Variants in NT5DC1 observed in about 807,000 individuals in gnomAD.
NT5DC1 encodes 5'-nucleotidase domain-containing protein 1.
Under a neutral mutation model 59.4 loss-of-function variants are expected in NT5DC1, and 42 were observed. The observed-to-expected ratio is 0.71, with a 90% CI of 0.55 to 0.92. The LOEUF (loss-of-function observed/expected upper bound fraction) is 0.92. Ranked by LOEUF, NT5DC1 falls within the 40% of genes least tolerant of loss-of-function variation. The pLI, the probability that NT5DC1 is intolerant of heterozygous loss-of-function variation, is 0.00. For missense variants in NT5DC1, 501 were observed against 537.1 expected, an observed-to-expected ratio of 0.93 and a Z score of 0.66; for synonymous variants, 172 against 188.1, an observed-to-expected ratio of 0.91 and a Z score of 0.70.
intron 6 of NT5DC1, among the ~76,000 whole-genome samples, chr6:116,141,194 T>A (rs1216542829): frequency 2.6e-5 from 4 of 152,150 alleles, no homozygotes; most frequent in African/African-American, 9.7e-5. Context: ...TATTTTTATA[T>A]GTTGATTGGC....
chr6:116,248,729 A>T lies in NT5DC1; in HGVS notation c.*4705A>T, dbSNP rs1202929571. ...TTCTTAGGTGACCAGAGGATGGGAGAACTTCTTAACTGGTTTGGAGGTCCA... is the reference window on the plus strand; with the variant it reads ...TTCTTAGGTGACCAGAGGATGGGAGTACTTCTTAACTGGTTTGGAGGTCCA... On this transcript the variant is annotated 3_prime_UTR_variant, in exon 12 of 12. Coordinates refer to ENST00000319550, the MANE Select transcript of NT5DC1 (RefSeq NM_152729.3). 2 of 152,250 alleles carry T rather than the reference A, an allele frequency of 1.3e-5. No individual in the cohort carries two copies. Among genetic ancestry groups the T allele is most frequent in the Non-Finnish European group, 2.9e-5 (2 of 68,080 alleles). The allele number at this position is 152,250 out of a possible 1,614,324, so 9.4% of individuals were successfully genotyped here.
chr6:116,182,992 A>G (rs1780921190), intron 6 of NT5DC1, among the ~76,000 whole-genome samples: 1 of 152,032 alleles, frequency 6.6e-6, no homozygotes, highest in African/African-American at 2.4e-5. Flanking sequence ...CTTTTCTAGA[A>G]TTGTTATGGT....
chr6:116,235,035 GTTTTT>G (rs60150533), intron 8 of NT5DC1, among the ~76,000 whole-genome samples: 1 of 131,826 alleles, frequency 7.6e-6, no homozygotes. Context: ...CTTGATTTGG[GTTTTT>G]TTTTTTTTTT....
chr6:116,118,363 G>A (rs1056943782), intron 6 of NT5DC1, among the ~76,000 whole-genome samples: 2 of 152,222 alleles, frequency 1.3e-5, no homozygotes, highest in Non-Finnish European at 1.5e-5. Flanking sequence ...CTGACCCAGA[G>A]TGAGGGCAGA....
rs62414122 is a variant in NT5DC1, at chr6:116,115,781, A to T, written c.444+11A>T. ...GACTATTTAACAAAAGTAAGTGGGGACTCATTTTTTAAAACTATGATATGT... is the reference window on the plus strand; with the variant it reads ...GACTATTTAACAAAAGTAAGTGGGGTCTCATTTTTTAAAACTATGATATGT... On this transcript the variant is annotated intron_variant, in intron 5 of 11. Coordinates refer to ENST00000319550, the MANE Select transcript of NT5DC1 (RefSeq NM_152729.3). 109,153 of 1,424,752 alleles carry T rather than the reference A, an allele frequency of 0.077. 5,455 individuals are homozygous for T. Among genetic ancestry groups the T allele is most frequent in the Admixed American group, 0.22 (13,149 of 59,338 alleles). The allele number at this position is 1,424,752 out of a possible 1,614,324, so 88.3% of individuals were successfully genotyped here. A position where few individuals can be genotyped will look rare whatever the true frequency, so the allele number is the denominator to read the frequency against.
At chr6:116,167,379 AT>A (rs1780494391) in intron 6 of NT5DC1, among the ~76,000 whole-genome samples, 1 of 151,744 alleles carries the variant, frequency 6.6e-6, no homozygotes, top group South Asian at 2.1e-4. Flanking sequence ...CTGCCGGCTA[AT>A]TTTTTGTATT....
chr6:116,198,772 C>A (rs1198783200), intron 6 of NT5DC1, among the ~76,000 whole-genome samples: 2 of 151,866 alleles, frequency 1.3e-5, no homozygotes, highest in Non-Finnish European at 2.9e-5. Flanking sequence ...AGTCTCTTAT[C>A]TGATTTGAGA....
chr6:116,231,106 C>CAAAAAA (rs34948626), intron 8 of NT5DC1, among the ~76,000 whole-genome samples: 2 of 69,982 alleles, frequency 2.9e-5, no homozygotes, highest in Non-Finnish European at 2.5e-5. Flanking sequence ...AACTCCGTCT[C>CAAAAAA]AAAAAAAAAA....
At chr6:116,181,719 CA>C (rs368247126) in intron 6 of NT5DC1, among the ~76,000 whole-genome samples, 12 of 149,398 alleles carry the variant, frequency 8.0e-5, no homozygotes, top group Non-Finnish European at 1.0e-4. Context: ...GCTTTCTGTG[CA>C]AAAAAAAAGT....
At chr6:116,138,364 A>G (rs931543276) in intron 6 of NT5DC1, among the ~76,000 whole-genome samples, 5 of 152,354 alleles carry the variant, frequency 3.3e-5, no homozygotes, top group Non-Finnish European at 5.9e-5. Flanking sequence ...CTACTTAACT[A>G]GGAACTACTG....
chr6:116,229,294 C>T (rs1199836213), intron 8 of NT5DC1, among the ~76,000 whole-genome samples: 1 of 152,114 alleles, frequency 6.6e-6, no homozygotes, highest in African/African-American at 2.4e-5. Flanking sequence ...CACCACTGCC[C>T]GCATCATCCC....
chr6:116,167,093 G>T lies in NT5DC1; in HGVS notation c.529+49148G>T, dbSNP rs56203042. On this transcript the variant is annotated intron_variant, in intron 6 of 11. Coordinates refer to ENST00000319550, the MANE Select transcript of NT5DC1 (RefSeq NM_152729.3). The stretch of plus-strand genomic sequence containing the variant: ...AAACTATTCAGAGCATGTGATATCC[G>T]TAGAATTATCTTTTATCACTGATGA... 5.7e-3 allele frequency among the ~76,000 whole-genome samples: 867 copies of T among 151,744 alleles called. 17 individuals carry two copies. The highest frequency in any genetic ancestry group is 0.046 in the South Asian group (223 of 4,796).
chr6:116,226,900 G>GAT (rs922662747), intron 8 of NT5DC1, among the ~76,000 whole-genome samples: 7 of 151,562 alleles, frequency 4.6e-5, no homozygotes, highest in Admixed American at 1.3e-4. Flanking sequence ...ATGGTATTTT[G>GAT]ATATATATAT....
chr6:116,192,553 A>G (rs1202933796), intron 6 of NT5DC1, among the ~76,000 whole-genome samples: 1 of 152,038 alleles, frequency 6.6e-6, no homozygotes, highest in Non-Finnish European at 1.5e-5. Context: ...AAAAAGCAAA[A>G]CTTCCTAAAC....
chr6:116,159,439 C>G (rs1780279680), intron 6 of NT5DC1, among the ~76,000 whole-genome samples: 4 of 151,986 alleles, frequency 2.6e-5, no homozygotes, highest in Admixed American at 2.6e-4. Context: ...TCTTTATTGC[C>G]TCTGAGTTAA....
intron 4 of NT5DC1, among the ~76,000 whole-genome samples, chr6:116,115,480 A>G (rs946580945): frequency 4.6e-5 from 7 of 152,210 alleles, no homozygotes. Flanking sequence ...CTTAACTTCT[A>G]GATATCATCT....
intron 6 of NT5DC1, among the ~76,000 whole-genome samples, chr6:116,207,046 TAAC>T (rs888317072): frequency 5.9e-5 from 9 of 152,018 alleles, no homozygotes; most frequent in Admixed American, 3.3e-4. Flanking sequence ...TATGCTTTCT[TAAC>T]AAACTTTTTC....
intron 6 of NT5DC1, among the ~76,000 whole-genome samples, chr6:116,220,502 C>G (rs558874952): frequency 3.3e-5 from 5 of 152,218 alleles, no homozygotes; most frequent in African/African-American, 1.2e-4. Flanking sequence ...TATTTTGCAC[C>G]GATTTTTCCA....
intron 6 of NT5DC1, chr6:116,119,941 A>C: frequency 2.3e-6 from 2 of 878,804 alleles, no homozygotes; most frequent in South Asian, 3.0e-5. Context: ...TGTTGGTCTG[A>C]TAGCTCAAAT....
Sources: allele counts gnomAD v4.1 joint callset (sites outside exome capture counted in the v4.1 genomes callset), GRCh38; gene constraint gnomAD v4.1.1; transcripts MANE v1.5; gene names NCBI Gene and HGNC (gene_info 2026-07-23, HGNC 2026-07-21).